Variants in TSPAN11 observed in about 807,000 individuals in gnomAD.
TSPAN11 encodes tetraspanin 11.
A neutral mutation model predicts 32.9 loss-of-function variants in TSPAN11; 29 were observed. That is an observed-to-expected ratio of 0.88 (90% CI 0.66 to 1.20). The LOEUF (loss-of-function observed/expected upper bound fraction) is 1.20. TSPAN11 is among the 50% of genes most tolerant of loss of function. The pLI is 0.00. For synonymous variants in TSPAN11, 140 were observed against 141.3 expected (o/e 0.99, Z 0.07); for missense variants, 283 against 329.1 (o/e 0.86, Z 1.08).
chr12:30,988,340 C>T (rs748932514), intron 7 of TSPAN11: 3 of 152,382 alleles, frequency 2.0e-5, no homozygotes, highest in Non-Finnish European at 2.9e-5. Flanking sequence ...CCTGTAATCC[C>T]AGCACTTGGG....
At chr12:30,936,079 C>CT (rs1485790659) in intron 1 of TSPAN11, among the ~76,000 whole-genome samples, 1 of 152,218 alleles carries the variant, frequency 6.6e-6, no homozygotes, top group East Asian at 1.9e-4. Context: ...GTGGGTGACT[C>CT]TAAGTCTCAT....
chr12:30,955,434 G>A (rs10743743), intron 2 of TSPAN11, among the ~76,000 whole-genome samples: 136,200 of 152,238 alleles, frequency 0.89, 60,958 homozygotes, highest in East Asian at 0.95. Flanking sequence ...CTTTTTAAGA[G>A]TAACTATTTA....
chr12:30,982,568 C>A lies in TSPAN11; in HGVS notation c.493C>A (p.Gln165Lys). Residue 165 changes from glutamine (Q) to lysine (K), a missense_variant, in exon 6 of 8, where the codon CAG becomes AAG. Gln to Lys is a moderately conservative substitution (Grantham distance 53). Transcript: ENST00000546076. ...CCGSNSSADW[Q>K]HSTYILLREA... Reference sequence around the variant, plus strand: ...TGGAAGCAACAGCTCAGCCGACTGGCAGCACAGCACGTACATCCTGTTGCG... The same window carrying A: ...TGGAAGCAACAGCTCAGCCGACTGGAAGCACAGCACGTACATCCTGTTGCG... 6.2e-7 allele frequency: 1 copy of A among 1,612,226 alleles called. No homozygotes were observed. Among genetic ancestry groups the A allele is most frequent in the Non-Finnish European group, 8.5e-7 (1 of 1,179,024 alleles).
intron 1 of TSPAN11, 21 bp downstream of exon 1, chr12:30,926,817 G>C (rs1937803128): frequency 1.6e-6 from 1 of 622,886 alleles, no homozygotes; most frequent in African/African-American, 2.0e-5. Context: ...AAGCGCGCCC[G>C]AGGAGTGGGG....
At chr12:30,934,752 TA>T (rs772846981) in intron 1 of TSPAN11, among the ~76,000 whole-genome samples, 1 of 152,074 alleles carries the variant, frequency 6.6e-6, no homozygotes, top group Non-Finnish European at 1.5e-5. Flanking sequence ...GCCAAAACAT[TA>T]GACACCCCTG....
chr12:31,003,288 A>G, the TSPAN11 span, among the ~76,000 whole-genome samples: 1 of 152,224 alleles, frequency 6.6e-6, no homozygotes, highest in Non-Finnish European at 1.5e-5. Context: ...ACCGTTCTGC[A>G]GGACAGGCAA....
Position 30,992,034 on chromosome 12 carries a change from C to A in TSPAN11, c.*119C>A. 8.6e-7 allele frequency: 1 copy of A among 1,161,802 alleles called. No individual in the cohort carries two copies. 72.0% of individuals were successfully genotyped at this position (1,161,802 alleles called of 1,614,324 possible). A position where few individuals can be genotyped will look rare whatever the true frequency, so the allele number is the denominator to read the frequency against. On this transcript the variant is annotated 3_prime_UTR_variant, in exon 8 of 8. Coordinates refer to ENST00000546076, the MANE Select transcript of TSPAN11 (RefSeq NM_001370302.1). ...GGCCATAGATGCCCCCTCCTTTGTG[C>A]CTAGCTCCTGCGAATCCACCGAGTG...
intron 7 of TSPAN11, among the ~76,000 whole-genome samples, chr12:30,986,185 C>T (rs1939197657): frequency 6.6e-6 from 1 of 152,238 alleles, no homozygotes; most frequent in Non-Finnish European, 1.5e-5. Flanking sequence ...CCCCAAGGCT[C>T]AGGAAATATC....
rs1198430549 is a variant in TSPAN11 at position 30,963,949 on chromosome 12, C to T, written c.208C>T (p.Leu70Phe). The T allele has an allele frequency of 6.2e-7, 1 of 1,614,128 alleles. No individual in the cohort carries two copies. Among genetic ancestry groups the T allele is most frequent in the Admixed American group, 1.7e-5 (1 of 60,028 alleles). ...CTACATCCTCATCTTTGCGGGCGTA[C>T]TTGTCATGGTGACCGGCTTCCTGGG... ...SAYILIFAGV[L>F]VMVTGFLGFG... Residue 70 changes from leucine (L) to phenylalanine (F), a missense_variant, in exon 3 of 8, where the codon CTT becomes TTT. Physicochemically the swap from Leu to Phe is conservative, Grantham distance 22. Transcript: ENST00000546076.
At position 30,991,988 on chromosome 12, in the gene TSPAN11, A is replaced by ATG; in HGVS notation, c.*73_*74insTG. 1 of 1,537,978 alleles carries ATG rather than the reference A, an allele frequency of 6.5e-7. No homozygotes were observed. Among genetic ancestry groups the ATG allele is most frequent in the Non-Finnish European group, 9.0e-7 (1 of 1,111,682 alleles). ...CACATGCCATCTGCAAGGCCTGCAGAGTTAGCACCAGCTCCACTAGGGCCA... is the reference window on the plus strand; with the variant it reads ...CACATGCCATCTGCAAGGCCTGCAGATGGTTAGCACCAGCTCCACTAGGGCCA... On this transcript the variant is annotated 3_prime_UTR_variant, in exon 8 of 8. Coordinates refer to ENST00000546076, the MANE Select transcript of TSPAN11 (RefSeq NM_001370302.1).
rs751983677 is a variant in TSPAN11, at chr12:30,982,593, G to A, written c.518G>A (p.Arg173Gln). ...CAGCACAGCACGTACATCCTGTTGC[G>A]GGAGGCCGAGGGCCGCCAGGTGCCC... The part of the protein sequence containing the change: ...DWQHSTYILL[R>Q]EAEGRQVPDS... Residue 173 changes from arginine (R) to glutamine (Q), a missense_variant, in exon 6 of 8, where the codon CGG becomes CAG. Coordinates refer to ENST00000546076, the MANE Select transcript of TSPAN11 (RefSeq NM_001370302.1). The A allele has an allele frequency of 3.0e-5, 49 of 1,613,012 alleles. No homozygotes were observed. Among genetic ancestry groups the A allele is most frequent in the East Asian group, 1.8e-4 (8 of 44,874 alleles).
chr12:30,958,649 T>C (rs1052354779), intron 2 of TSPAN11, among the ~76,000 whole-genome samples: 3 of 152,184 alleles, frequency 2.0e-5, no homozygotes, highest in Non-Finnish European at 4.4e-5. Context: ...CCCAGTCCTC[T>C]CCCTGAGCCC....
chr12:30,978,896 C>G (rs999323327), intron 4 of TSPAN11: 2 of 499,422 alleles, frequency 4.0e-6, no homozygotes, highest in African/African-American at 3.8e-5. Flanking sequence ...CGTCATCCCT[C>G]TCCCCTTCCA....
At position 30,978,581 on chromosome 12, in the gene TSPAN11, C is replaced by T. The variant is rs745580950; in HGVS notation, c.297C>T (p.Val99=). The part of the protein sequence containing the change: ...CLSTYFCLLL[V]IFLVELVAGV... ...GCTAGTATTTCTGCCTGTTGCTCGT[C>T]ATCTTCCTGGTTGAGCTGGTGGCGG... Residue 99 remains valine (V), a synonymous_variant, in exon 4 of 8, where the codon GTC becomes GTT. Coordinates refer to ENST00000546076, the MANE Select transcript of TSPAN11 (RefSeq NM_001370302.1). The T allele has an allele frequency of 1.0e-4, 169 of 1,614,080 alleles. No homozygotes were observed. Among genetic ancestry groups the T allele is most frequent in the Non-Finnish European group, 1.4e-4 (160 of 1,180,028 alleles).
At chr12:31,003,037 C>T in the TSPAN11 span, among the ~76,000 whole-genome samples, 5 of 152,186 alleles carry the variant, frequency 3.3e-5, no homozygotes, top group African/African-American at 7.2e-5. Context: ...AAGGCTGAGT[C>T]CACATCAGAC....
chr12:31,003,264 T>C, the TSPAN11 span, among the ~76,000 whole-genome samples: 1 of 152,212 alleles, frequency 6.6e-6, no homozygotes. Flanking sequence ...TGTGGCCCTC[T>C]GGGAGGTGTG....
Position 30,975,175 on chromosome 12 carries a change from A to C in TSPAN11, c.277-3386A>C, listed in dbSNP as rs1938941135. ...GCCCTGAGATGATCGCGCCGGACCC[A>C]GGGAGTCAGGAAAGGCTGGGTAAGG... On this transcript the variant is annotated intron_variant, in intron 3 of 7. Transcript: ENST00000546076. The surrounding 1 kb of genome is among the most constrained non-coding windows in gnomAD (Gnocchi z 4.5). Among the ~76,000 whole-genome samples, 1 of 152,186 alleles carries C rather than the reference A, an allele frequency of 6.6e-6. No homozygotes were observed. Among genetic ancestry groups the C allele is most frequent in the South Asian group, 2.1e-4 (1 of 4,830 alleles).
At chr12:31,007,632 G>A in the TSPAN11 span, among the ~76,000 whole-genome samples, 1 of 152,000 alleles carries the variant, frequency 6.6e-6, no homozygotes, top group Non-Finnish European at 1.5e-5. Context: ...GCTTCCAGGA[G>A]ATTTTCAAAT....
chr12:30,982,387 G>A, intron 5 of TSPAN11, 145 bp from the exon 6 acceptor site: 3 of 1,238,432 alleles, frequency 2.4e-6, no homozygotes, highest in South Asian at 1.6e-5. Flanking sequence ...AGCATGGGAA[G>A]GGAAAACACA....
Sources: allele counts gnomAD v4.1 joint callset (sites outside exome capture counted in the v4.1 genomes callset), GRCh38; gene constraint gnomAD v4.1.1; non-coding constraint Gnocchi (gnomAD v3.1); transcripts MANE v1.5; gene names NCBI Gene and HGNC (gene_info 2026-07-23, HGNC 2026-07-21).